Variants in IRX4 observed in about 807,000 individuals in gnomAD.
IRX4 encodes the protein iroquois-class homeodomain protein IRX-4.
IRX4 carries 22 observed loss-of-function variants against 32.0 expected under a neutral mutation model. That is an observed-to-expected ratio of 0.69 (90% CI 0.49 to 0.98). The LOEUF is 0.98. Ranked by LOEUF, IRX4 falls within the 50% of genes least tolerant of loss-of-function variation. IRX4 has a pLI of 0.00. For synonymous variants in IRX4, 379 were observed against 351.7 expected (o/e 1.08, Z -0.87); for missense variants, 840 against 744.2 (o/e 1.13, Z -1.50).
upstream of IRX4, among the ~76,000 whole-genome samples, chr5:1,883,217 G>T (rs1308001280): frequency 1.3e-5 from 2 of 152,218 alleles, no homozygotes; most frequent in African/African-American, 4.8e-5. Flanking sequence ...CTTTTAATTA[G>T]AAATTAATTA....
chr5:1,878,335 TTG>T lies in IRX4; in HGVS notation c.1192_1193del (p.Gln398ArgfsTer151). The T allele has an allele frequency of 6.4e-7, 1 of 1,551,078 alleles. No homozygotes were observed. Among genetic ancestry groups the T allele is most frequent in the Non-Finnish European group, 8.7e-7 (1 of 1,149,408 alleles). ...ACACAGCCGCAGGGGCCGCGGGACCTTGGCGCTTGAGCATGCACGACGGAAAC... is the reference window on the plus strand; with the variant it reads ...ACACAGCCGCAGGGGCCGCGGGACCTGCGCTTGAGCATGCACGACGGAAAC... The part of the protein sequence containing the change: ...TEFPSCMLKR[Q>X]GPAAPAAVSS... On this transcript the variant is annotated frameshift_variant, in exon 5 of 5. Transcript: ENST00000231357. LOFTEE classifies it low-confidence loss of function (END_TRUNC).
chr5:1,885,664 C>A (rs1735606172), upstream of IRX4, among the ~76,000 whole-genome samples: 1 of 152,348 alleles, frequency 6.6e-6, no homozygotes, highest in African/African-American at 2.4e-5. Flanking sequence ...TGTGGATTGG[C>A]GACCACCGGG....
chr5:1,880,541 A>T (rs964708379), intron 3 of IRX4, among the ~76,000 whole-genome samples, 184 bp downstream of exon 3: 2 of 152,234 alleles, frequency 1.3e-5, no homozygotes, highest in African/African-American at 4.8e-5. Context: ...ATGGCTGTGC[A>T]GGAGCAGGTG....
chr5:1,880,950 G>GCC, intron 2 of IRX4, 116 bp from the exon 3 acceptor site: 1 of 803,336 alleles, frequency 1.2e-6, no homozygotes, highest in Non-Finnish European at 2.2e-6. Context: ...GCAGCCCTAC[G>GCC]CCCCGGCAGG....
intron 3 of IRX4, chr5:1,880,105 C>A: frequency 6.5e-7 from 1 of 1,535,672 alleles, no homozygotes; most frequent in Non-Finnish European, 8.7e-7. Context: ...GAGGTCCAGG[C>A]CAATTCCTTT....
At position 1,882,001 on chromosome 5, in the gene IRX4, G is replaced by T; in HGVS notation, c.104C>A (p.Ala35Glu). ...GGCCGAGGCGGCGGGCCCGGAGTCC[G>T]CCAGCGTGCGGCCTCCGGACTCGCA... ...TCCESGGRTL[A>E]DSGPAASAQA... Residue 35 changes from alanine (A) to glutamate (E), a missense_variant, in exon 2 of 5, where the codon GCG becomes GAG. Coordinates refer to ENST00000231357, the MANE Select transcript of IRX4 (RefSeq NM_016358.3). 1 of 1,548,002 alleles carries T rather than the reference G, an allele frequency of 6.5e-7. No homozygotes were observed. Among genetic ancestry groups the T allele is most frequent in the Non-Finnish European group, 8.7e-7 (1 of 1,146,518 alleles).
At position 1,882,885 on chromosome 5, in the gene IRX4, A is replaced by C; in HGVS notation, c.-238T>G. On this transcript the variant is annotated 5_prime_UTR_variant, in exon 1 of 5. Transcript: ENST00000231357. ...TCCGGAGGCTCGAGGGGGCTCTGGGACCGAGCGGCCTCGCAGCGGCGACAG... is the reference window on the plus strand; with the variant it reads ...TCCGGAGGCTCGAGGGGGCTCTGGGCCCGAGCGGCCTCGCAGCGGCGACAG... The C allele has an allele frequency of 2.7e-6, 1 of 367,756 alleles. No homozygotes were observed. The highest frequency in any genetic ancestry group is 4.8e-6 in the Non-Finnish European group (1 of 207,586). The allele number at this position is 367,756 out of a possible 1,614,324, so 22.8% of individuals were successfully genotyped here.
intron 3 of IRX4, among the ~76,000 whole-genome samples, chr5:1,880,377 T>G (rs1299908645): frequency 6.6e-6 from 1 of 152,158 alleles, no homozygotes; most frequent in African/African-American, 2.4e-5. Context: ...GTAGGGGCAG[T>G]GTGGACACTC....
Position 1,878,109 on chromosome 5 carries a change from G to A in IRX4, c.1420C>T (p.Leu474=). 6.5e-7 allele frequency: 1 copy of A among 1,539,396 alleles called. No individual in the cohort carries two copies. Among genetic ancestry groups the A allele is most frequent in the East Asian group, 2.4e-5 (1 of 41,194 alleles). ...GTCAGCACGTTCGCGCCCGCCCCCAGCGAGCGTCCCAGAGGCCCGGGGTCC... is the reference window on the plus strand; with the variant it reads ...GTCAGCACGTTCGCGCCCGCCCCCAACGAGCGTCCCAGAGGCCCGGGGTCC... ...LLDPGPLGRS[L]GAGANVLTAP... The change falls in exon 5 of 5, where the codon CTG becomes TTG. Residue 474 remains leucine, a synonymous_variant. Transcript: ENST00000231357.
chr5:1,883,550 C>T (rs535329553), upstream of IRX4, among the ~76,000 whole-genome samples: 3 of 152,354 alleles, frequency 2.0e-5, no homozygotes, highest in South Asian at 2.1e-4. Context: ...CCCTCAGGTG[C>T]GTGGGGGCTT....
At chr5:1,879,184 G>C (rs1735335137) in intron 4 of IRX4, among the ~76,000 whole-genome samples, 1 of 152,072 alleles carries the variant, frequency 6.6e-6, no homozygotes. Flanking sequence ...GTAGAAACGA[G>C]GTTTCACCGT....
chr5:1,880,489 CCAA>C (rs1333774257), intron 3 of IRX4, among the ~76,000 whole-genome samples: 1 of 152,184 alleles, frequency 6.6e-6, no homozygotes, highest in Non-Finnish European at 1.5e-5. Context: ...CTTCTGGGGC[CCAA>C]CAACGTGGGG....
In IRX4 at chr5:1,877,747, T is replaced by G; in HGVS notation, c.*222A>C. ...AGAGCCTCTCCTTCCGCGTCCCAAA[T>G]TTGGGAATGGCCCGGTCAGGCTCAG... On this transcript the variant is annotated 3_prime_UTR_variant, in exon 5 of 5. Transcript: ENST00000231357. 3.8e-6 allele frequency: 2 copies of G among 527,414 alleles called. No individual in the cohort carries two copies. Among genetic ancestry groups the G allele is most frequent in the Non-Finnish European group, 3.3e-6 (1 of 303,862 alleles). 32.7% of individuals were successfully genotyped at this position (527,414 alleles called of 1,614,324 possible).
chr5:1,881,769 G>A, intron 2 of IRX4, 39 bp downstream of exon 2: 1 of 1,560,668 alleles, frequency 6.4e-7, no homozygotes, highest in Non-Finnish European at 8.7e-7. Flanking sequence ...GCAAATCGAG[G>A]GCCAGGGGCA....
In IRX4 at chr5:1,877,710, T is replaced by C. The variant is rs1735245382; in HGVS notation, c.*259A>G. ...ACTTTATGCTTCAGGGTATCTGGCC[T>C]CTTCTGCTCCGAGAGCCTCTCCTTC... On this transcript the variant is annotated 3_prime_UTR_variant, in exon 5 of 5. Transcript: ENST00000231357. 1 of 503,868 alleles carries C rather than the reference T, an allele frequency of 2.0e-6. No individual in the cohort carries two copies. The allele number at this position is 503,868 out of a possible 1,614,324, so 31.2% of individuals were successfully genotyped here. A position where few individuals can be genotyped will look rare whatever the true frequency, so the allele number is the denominator to read the frequency against.
intron 3 of IRX4, 68 bp downstream of exon 3, chr5:1,880,657 G>T: frequency 2.0e-6 from 2 of 1,012,890 alleles, no homozygotes; most frequent in East Asian, 2.4e-5. Context: ...GATGGTGGAG[G>T]GGAGTTGGTG....
chr5:1,877,789 C>A lies in IRX4; in HGVS notation c.*180G>T, dbSNP rs1735248320. The stretch of plus-strand genomic sequence containing the variant: ...CAGGCTCAGGCCCAGGCGGTGGAGG[C>A]CCCGGCGTGGCAGCGCCGGGCTTGT... On this transcript the variant is annotated 3_prime_UTR_variant, in exon 5 of 5. Transcript: ENST00000231357. The A allele has an allele frequency of 1.6e-6, 1 of 611,418 alleles. No individual in the cohort carries two copies. The highest frequency in any genetic ancestry group is 2.7e-6 in the Non-Finnish European group (1 of 370,984). The allele number at this position is 611,418 out of a possible 1,614,324, so 37.9% of individuals were successfully genotyped here.
chr5:1,881,967 C>T lies in IRX4; in HGVS notation c.138G>A (p.Pro46=), dbSNP rs1735460351. 1 of 1,557,700 alleles carries T rather than the reference C, an allele frequency of 6.4e-7. No individual in the cohort carries two copies. Among genetic ancestry groups the T allele is most frequent in the African/African-American group, 1.4e-5 (1 of 73,280 alleles). Residue 46 remains proline (P), a synonymous_variant, in exon 2 of 5, where the codon CCG becomes CCA. Coordinates refer to ENST00000231357, the MANE Select transcript of IRX4 (RefSeq NM_016358.3). ...GGCTCTCGTAGACCGGGCAGTAGAC[C>T]GGCGCCTGGGCCGAGGCGGCGGGCC... ...DSGPAASAQA[P]VYCPVYESRL... is the part of the protein sequence containing the mutation.
intron 1 of IRX4, 96 bp downstream of exon 1, chr5:1,882,507 A>G: frequency 9.3e-7 from 1 of 1,070,188 alleles, no homozygotes; most frequent in Non-Finnish European, 1.4e-6. Context: ...CGGAAGCCGC[A>G]GGCAGTCGTA....
Sources: gnomAD v4.1 joint callset for allele counts (sites outside exome capture counted in the v4.1 genomes callset) on GRCh38, gnomAD v4.1.1 for gene constraint, MANE v1.5 for transcripts, NCBI Gene and HGNC (gene_info 2026-07-23, HGNC 2026-07-21) for gene names.